Variants in LMOD1 observed in about 807,000 individuals in gnomAD.
LMOD1 encodes the protein leiomodin 1.
In LMOD1, 8 loss-of-function variants were observed where a neutral mutation model predicts 36.5. The ratio of observed to expected loss-of-function variants is 0.22; its 90% CI spans 0.13 to 0.40. The LOEUF (loss-of-function observed/expected upper bound fraction) is 0.40. Among genes scored for constraint, LMOD1 ranks in the 10% least tolerant of loss-of-function variants. The pLI, the probability that LMOD1 is intolerant of heterozygous loss-of-function variation, is 1.00. For missense variants in LMOD1, 630 were observed against 751.1 expected (o/e 0.84, Z 1.88); for synonymous variants, 284 against 288.7 (o/e 0.98, Z 0.17).
intron 1 of LMOD1, among the ~76,000 whole-genome samples, chr1:201,942,319 G>C (rs558252079): frequency 1.3e-5 from 2 of 152,260 alleles, no homozygotes; most frequent in South Asian, 4.1e-4. Context: ...ATGTCCCAAG[G>C]GCTTTGGTAC....
At chr1:201,923,065 T>C (rs1482892343) in intron 1 of LMOD1, among the ~76,000 whole-genome samples, 1 of 152,154 alleles carries the variant, frequency 6.6e-6, no homozygotes. Context: ...CCTCAGGTGA[T>C]CCACCCGTCT....
rs760707776 is a variant in LMOD1 at position 201,899,206 on chromosome 1, G to A, written c.1776+31C>T. ...TCTCCTCCAGGCCCTACCCAGCCCC[G>A]CCCTGTTGGCTCATGCCCACAACTA... On this transcript the variant is annotated intron_variant, in intron 2 of 2. Coordinates refer to ENST00000367288, the MANE Select transcript of LMOD1 (RefSeq NM_012134.3). This position sits in a 1 kb window ranked among gnomAD's most constrained non-coding sequence, Gnocchi z 6.3. The A allele has an allele frequency of 9.0e-6, 14 of 1,547,882 alleles. No individual in the cohort carries two copies. In the East Asian group the frequency reaches 9.1e-5, roughly 10 times the overall value.
intron 1 of LMOD1, among the ~76,000 whole-genome samples, chr1:201,926,745 C>T (rs753056237): frequency 5.3e-5 from 8 of 152,034 alleles, no homozygotes; most frequent in African/African-American, 9.7e-5. Context: ...AGCAGGGAGC[C>T]GTAGCTCACA....
At chr1:201,924,635 A>C (rs931881995) in intron 1 of LMOD1, among the ~76,000 whole-genome samples, 1 of 124,310 alleles carries the variant, frequency 8.0e-6, no homozygotes, top group Non-Finnish European at 1.8e-5. Context: ...GAAAGGAAGA[A>C]TAAAGAAAGA....
chr1:201,944,440 C>T (rs112105674), intron 1 of LMOD1, among the ~76,000 whole-genome samples: 2,495 of 152,216 alleles, frequency 0.016, 27 homozygotes, highest in Middle Eastern at 0.027. Context: ...CCAGAGCCTG[C>T]GACTGGGAGT....
intron 1 of LMOD1, among the ~76,000 whole-genome samples, chr1:201,901,660 GTA>G (rs370946496): frequency 1.6e-4 from 14 of 85,610 alleles, no homozygotes; most frequent in Admixed American, 2.9e-4. Context: ...ATATATATGT[GTA>G]TATATATATA....
chr1:201,922,268 GTCCACAAAAAGCT>G (rs1221772490), intron 1 of LMOD1, among the ~76,000 whole-genome samples: 2 of 152,088 alleles, frequency 1.3e-5, no homozygotes, highest in African/African-American at 4.8e-5. Flanking sequence ...GAAAATATAT[GTCCACAAAAAGCT>G]TCCACACAAA....
At position 201,899,142 on chromosome 1, in the gene LMOD1, T is replaced by G. The variant is rs1219442412; in HGVS notation, c.1776+95A>C. 6.9e-6 allele frequency: 8 copies of G among 1,163,094 alleles called. No homozygotes were observed. The highest frequency in any genetic ancestry group is 9.5e-6 in the Non-Finnish European group (8 of 841,446). 72.0% of individuals were successfully genotyped at this position (1,163,094 alleles called of 1,614,324 possible). Reference sequence around the variant, plus strand: ...GAGTCTATATCATCTGCAGCCGACATAAGCTCCTCTGCATGCCTTCCCTTT... The same window carrying G: ...GAGTCTATATCATCTGCAGCCGACAGAAGCTCCTCTGCATGCCTTCCCTTT... On this transcript the variant is annotated intron_variant, in intron 2 of 2. Transcript: ENST00000367288. The surrounding 1 kb of genome is among the most constrained non-coding windows in gnomAD (Gnocchi z 6.3).
At chr1:201,934,977 C>T (rs1681990825) in intron 1 of LMOD1, among the ~76,000 whole-genome samples, 1 of 152,220 alleles carries the variant, frequency 6.6e-6, no homozygotes, top group Non-Finnish European at 1.5e-5. Context: ...CATTTATTCC[C>T]TAAGTGATCT....
At chr1:201,908,154 C>T (rs1319425733) in intron 1 of LMOD1, among the ~76,000 whole-genome samples, 13 of 152,218 alleles carry the variant, frequency 8.5e-5, no homozygotes, top group Admixed American at 8.5e-4. Context: ...GGCTCAGGGA[C>T]TAGGTCTCAG....
chr1:201,900,251 C>T lies in LMOD1; in HGVS notation c.762G>A (p.Lys254=), dbSNP rs1208343883. Residue 254 remains lysine (K), a synonymous_variant, in exon 2 of 3, where the codon AAG becomes AAA. Coordinates refer to ENST00000367288, the MANE Select transcript of LMOD1 (RefSeq NM_012134.3). ...GNTDMKKEDE[K]VKRGTGNTDT... ...CTGTGTTCCCAGTTCCTCTTTTTAC[C>T]TTCTCATCCTCCTTTTTCATGTCTG... is the stretch of plus-strand genomic sequence containing the variant. The T allele has an allele frequency of 1.2e-6, 2 of 1,613,032 alleles. No individual in the cohort carries two copies. The highest frequency in any genetic ancestry group is 1.3e-5 in the African/African-American group (1 of 74,630).
intron 1 of LMOD1, among the ~76,000 whole-genome samples, chr1:201,907,487 G>C (rs1266753078): frequency 6.6e-6 from 1 of 152,192 alleles, no homozygotes; most frequent in Non-Finnish European, 1.5e-5. Context: ...TCTTGGTATT[G>C]TTTAGCAGGG....
At chr1:201,935,109 C>G (rs956455313) in intron 1 of LMOD1, among the ~76,000 whole-genome samples, 2 of 152,160 alleles carry the variant, frequency 1.3e-5, no homozygotes, top group Non-Finnish European at 2.9e-5. Context: ...CTAATTTATG[C>G]CTTTAAAAGG....
chr1:201,920,756 C>T (rs112037483), intron 1 of LMOD1, among the ~76,000 whole-genome samples: 3,385 of 152,220 alleles, frequency 0.022, 140 homozygotes, highest in African/African-American at 0.075. Context: ...AGGCTGGGCG[C>T]GGTGGCTCAC....
intron 1 of LMOD1, among the ~76,000 whole-genome samples, chr1:201,904,967 C>T (rs557953507): frequency 5.3e-5 from 8 of 152,244 alleles, no homozygotes; most frequent in Middle Eastern, 3.4e-3. Context: ...TGGTACATCC[C>T]GGTGACCTCC....
At chr1:201,922,611 G>C (rs1052384416) in intron 1 of LMOD1, among the ~76,000 whole-genome samples, 11 of 151,954 alleles carry the variant, frequency 7.2e-5, no homozygotes, top group Admixed American at 3.3e-4. Flanking sequence ...GATAGCTGTG[G>C]GGTTTCTTTT....
intron 1 of LMOD1, among the ~76,000 whole-genome samples, chr1:201,932,383 AG>A (rs920180620): frequency 1.3e-5 from 2 of 152,038 alleles, no homozygotes; most frequent in African/African-American, 4.8e-5. Flanking sequence ...CTCGATAGAG[AG>A]GGTCAGGAGG....
intron 1 of LMOD1, among the ~76,000 whole-genome samples, chr1:201,933,250 C>T (rs1327841027): frequency 6.6e-6 from 1 of 151,858 alleles, no homozygotes; most frequent in Non-Finnish European, 1.5e-5. Flanking sequence ...CCCATCTCTA[C>T]TAAAAATACA....
At chr1:201,921,888 A>G (rs1681712546) in intron 1 of LMOD1, among the ~76,000 whole-genome samples, 1 of 151,912 alleles carries the variant, frequency 6.6e-6, no homozygotes, top group Admixed American at 6.6e-5. Flanking sequence ...TGAACCCGGG[A>G]GGCAGAGCTT....
Sources: allele counts gnomAD v4.1 joint callset (sites outside exome capture counted in the v4.1 genomes callset), GRCh38; gene constraint gnomAD v4.1.1; non-coding constraint Gnocchi (gnomAD v3.1); transcripts MANE v1.5; gene names NCBI Gene and HGNC (gene_info 2026-07-23, HGNC 2026-07-21).